The following AP3S2 variants were observed in gnomAD, a reference collection of about 807,000 sequenced individuals.
AP3S2 encodes the protein adaptor related protein complex 3 subunit sigma 2.
In AP3S2, 22 loss-of-function variants were observed where a neutral mutation model predicts 23.4. The observed-to-expected ratio is 0.94, with a 90% CI of 0.67 to 1.34. AP3S2 has a LOEUF of 1.34. Ranked by LOEUF, AP3S2 falls within the 40% of genes most tolerant of loss-of-function variation. AP3S2 has a pLI of 0.00. For synonymous variants in AP3S2, 86 were observed against 87.1 expected, an observed-to-expected ratio of 0.99 and a Z score of 0.07; for missense variants, 241 against 236.9, an observed-to-expected ratio of 1.02 and a Z score of -0.11.
intron 4 of AP3S2, among the ~76,000 whole-genome samples, chr15:89,840,755 G>T (rs1895309560): frequency 6.6e-6 from 1 of 152,110 alleles, no homozygotes; most frequent in African/African-American, 2.4e-5. Context: ...TGAAGAAATT[G>T]ATACATTTTA....
chr15:89,848,407 C>A lies in AP3S2; in HGVS notation c.346-10685G>T, dbSNP rs979031563. On this transcript the variant is annotated intron_variant, in intron 4 of 5. Coordinates refer to ENST00000336418, the MANE Select transcript of AP3S2 (RefSeq NM_005829.5). ...ACAGAGTCTCGCTCTGTCGCCCAGGCTGGAGTGCAGTGGCGTGATCTTGGC... is the reference window on the plus strand; with the variant it reads ...ACAGAGTCTCGCTCTGTCGCCCAGGATGGAGTGCAGTGGCGTGATCTTGGC... Among the ~76,000 whole-genome samples, 5 of 152,232 alleles carry A rather than the reference C, an allele frequency of 3.3e-5. No individual in the cohort carries two copies. The East Asian group carries it at 9.6e-4, about 29-fold the overall frequency.
intron 3 of AP3S2, among the ~76,000 whole-genome samples, chr15:89,873,286 CTTTT>C (rs71461825): frequency 7.4e-6 from 1 of 134,540 alleles, no homozygotes. Flanking sequence ...TGTCTGTCTT[CTTTT>C]TTTTTTTTTT....
chr15:89,870,605 G>A (rs1162356699), intron 4 of AP3S2, among the ~76,000 whole-genome samples: 1 of 152,076 alleles, frequency 6.6e-6, no homozygotes, highest in Non-Finnish European at 1.5e-5. Flanking sequence ...CAACAAGAAA[G>A]TCCTTTAGAC....
intron 4 of AP3S2, chr15:89,852,625 T>C (rs1391856799): frequency 1.3e-5 from 2 of 152,188 alleles, no homozygotes; most frequent in African/African-American, 2.4e-5. Context: ...ATTCTATCAC[T>C]CTGCCTAAGG....
chr15:89,852,990 T>G (rs1895696624), intron 4 of AP3S2, among the ~76,000 whole-genome samples: 1 of 152,178 alleles, frequency 6.6e-6, no homozygotes, highest in South Asian at 2.1e-4. Context: ...GGCTGCAGCT[T>G]CACCCTTTTG....
At position 89,888,594 on chromosome 15, in the gene AP3S2, T is replaced by A; in HGVS notation, c.200A>T (p.His67Leu). ...AAATACAAAGTAGAGGGTAGCATAG[T>A]GCCGGTAGATCAGTTTGTAGTCAGA... ...GGSDYKLIYR[H>L]YATLYFVFCV... is the part of the protein sequence containing the mutation. The change falls in exon 3 of 6, where the codon CAC (histidine) becomes CTC (leucine). Residue 67 changes from histidine (H) to leucine (L), a missense_variant. Coordinates refer to ENST00000336418, the MANE Select transcript of AP3S2 (RefSeq NM_005829.5). The A allele has an allele frequency of 6.2e-7, 1 of 1,614,204 alleles. No homozygotes were observed. The highest frequency in any genetic ancestry group is 1.1e-5 in the South Asian group (1 of 91,084).
intron 4 of AP3S2, among the ~76,000 whole-genome samples, chr15:89,844,217 TTCTTTCTTTC>T (rs1464762159): frequency 6.9e-5 from 1 of 14,528 alleles, no homozygotes; most frequent in Admixed American, 7.3e-4. Context: ...TTCTCTTTCT[TTCTTTCTTTC>T]TTTCTTTCTT....
At chr15:89,836,571 C>T (rs1422093883) in intron 5 of AP3S2, among the ~76,000 whole-genome samples, 2 of 152,164 alleles carry the variant, frequency 1.3e-5, no homozygotes, top group Non-Finnish European at 2.9e-5. Flanking sequence ...AAAGAGTATG[C>T]ACATCTACAG....
In AP3S2 at chr15:89,871,389, A is replaced by G. The variant is rs1409539618; in HGVS notation, c.345+86T>C. 4.9e-6 allele frequency: 6 copies of G among 1,235,406 alleles called. No homozygotes were observed. In the African/African-American group the frequency reaches 9.2e-5, roughly 19 times the overall value. The allele number at this position is 1,235,406 out of a possible 1,614,324, so 76.5% of individuals were successfully genotyped here. On this transcript the variant is annotated intron_variant, in intron 4 of 5. Transcript: ENST00000336418. Reference sequence around the variant, plus strand: ...AGAGTAAAAAAAAACAAGAAACAATATGAAGATGTAGAGGTGGCTACAGAT... The same window carrying G: ...AGAGTAAAAAAAAACAAGAAACAATGTGAAGATGTAGAGGTGGCTACAGAT...
intron 3 of AP3S2, among the ~76,000 whole-genome samples, chr15:89,883,696 C>T (rs978117859): frequency 2.0e-5 from 3 of 152,148 alleles, no homozygotes; most frequent in African/African-American, 7.2e-5. Context: ...CCAACAAGAG[C>T]ATTCATAAAT....
At chr15:89,858,850 A>G (rs1271897282) in intron 4 of AP3S2, among the ~76,000 whole-genome samples, 3 of 152,182 alleles carry the variant, frequency 2.0e-5, no homozygotes, top group South Asian at 2.1e-4. Flanking sequence ...GTACACTGTT[A>G]TTCTACTAAC....
chr15:89,867,424 C>T (rs370666922), intron 4 of AP3S2, among the ~76,000 whole-genome samples: 3 of 151,426 alleles, frequency 2.0e-5, no homozygotes, highest in Admixed American at 6.6e-5. Flanking sequence ...AGCCTCTGCC[C>T]GGCCGCCACC....
At chr15:89,874,141 T>A (rs947782450) in intron 3 of AP3S2, among the ~76,000 whole-genome samples, 7 of 131,244 alleles carry the variant, frequency 5.3e-5, no homozygotes, top group Admixed American at 2.3e-4. Flanking sequence ...TTTTTTTTTT[T>A]AAACTGTTTT....
At chr15:89,882,795 T>C (rs1896603270) in intron 3 of AP3S2, among the ~76,000 whole-genome samples, 1 of 152,254 alleles carries the variant, frequency 6.6e-6, no homozygotes, top group Admixed American at 6.5e-5. Context: ...TTCTGAAAAC[T>C]AGTAAAGCAA....
intron 3 of AP3S2, 113 bp from the exon 4 acceptor site, chr15:89,871,659 A>C: frequency 9.2e-7 from 1 of 1,089,494 alleles, no homozygotes; most frequent in Non-Finnish European, 1.3e-6. Context: ...ACTTTATGAT[A>C]AATCTCAAAA....
intron 4 of AP3S2, among the ~76,000 whole-genome samples, chr15:89,860,047 G>C (rs766978037): frequency 3.8e-4 from 58 of 152,190 alleles, no homozygotes; most frequent in Non-Finnish European, 7.6e-4. Flanking sequence ...TTACAGGCAT[G>C]AGCCATCATG....
intron 4 of AP3S2, among the ~76,000 whole-genome samples, chr15:89,870,476 A>C (rs1346657854): frequency 6.6e-6 from 1 of 152,188 alleles, no homozygotes; most frequent in Non-Finnish European, 1.5e-5. Context: ...GTGAGAGACA[A>C]AACTTTACTC....
intron 4 of AP3S2, among the ~76,000 whole-genome samples, chr15:89,859,438 G>A (rs1895957007): frequency 7.9e-6 from 1 of 125,996 alleles, no homozygotes; most frequent in Admixed American, 1.0e-4. Context: ...CTGTCGCCCA[G>A]GCTGGTGTGC....
intron 4 of AP3S2, among the ~76,000 whole-genome samples, chr15:89,858,481 AAGAAAGAAAGAAAGAG>A (rs1232483947): frequency 1.2e-3 from 42 of 36,324 alleles, no homozygotes; most frequent in African/African-American, 3.4e-3. Context: ...GAAAGAAAGA[AAGAAAGAAAGAAAGAG>A]AGAGAGAGAG....
Sources: gnomAD v4.1 joint callset for allele counts (sites outside exome capture counted in the v4.1 genomes callset) on GRCh38, gnomAD v4.1.1 for gene constraint, MANE v1.5 for transcripts, NCBI Gene and HGNC (gene_info 2026-07-23, HGNC 2026-07-21) for gene names.